Variants in SYTL2 observed in about 807,000 individuals in gnomAD.
The protein encoded by SYTL2 is synaptotagmin like 2.
In SYTL2, 165 loss-of-function variants were observed where a neutral mutation model predicts 198.7. The observed-to-expected ratio is 0.83, with a 90% CI of 0.73 to 0.94. The LOEUF is 0.94. Among genes scored for constraint, SYTL2 ranks in the 40% least tolerant of loss-of-function variants. The pLI, the probability that SYTL2 is intolerant of heterozygous loss-of-function variation, is 0.00. For synonymous variants in SYTL2, 966 were observed against 917.7 expected, an observed-to-expected ratio of 1.05 and a Z score of -0.95; for missense variants, 2,835 against 2,582.8, an observed-to-expected ratio of 1.10 and a Z score of -2.12.
At chr11:85,774,844 C>T (rs1167498800) in intron 1 of SYTL2, among the ~76,000 whole-genome samples, 1 of 152,158 alleles carries the variant, frequency 6.6e-6, no homozygotes, top group Non-Finnish European at 1.5e-5. Flanking sequence ...TTAGGGTCAG[C>T]CTGTGCCCTG....
chr11:85,820,959 A>G, the SYTL2 span, among the ~76,000 whole-genome samples: 1 of 152,190 alleles, frequency 6.6e-6, no homozygotes, highest in Non-Finnish European at 1.5e-5. Context: ...CATTTATCCA[A>G]TCATTTATTG....
rs569204740 is a variant in SYTL2 at position 85,782,483 on chromosome 11, T to A, written c.-389-24369A>T. ...TTGCTGATTAACATTTGGTTCCTCA[T>A]TACTTATGCAAATGTATGCAGCCAG... On this transcript the variant is annotated intron_variant, in intron 1 of 19. Coordinates refer to ENST00000359152, the MANE Select transcript of SYTL2 (RefSeq NM_206927.4). 5.3e-5 allele frequency among the ~76,000 whole-genome samples: 8 copies of A among 152,362 alleles called. No homozygotes were observed. The South Asian group carries it at 1.7e-3, about 32-fold the overall frequency.
At chr11:85,837,570 T>C in the SYTL2 span, among the ~76,000 whole-genome samples, 4 of 152,152 alleles carry the variant, frequency 2.6e-5, no homozygotes, top group Non-Finnish European at 2.9e-5. Context: ...TACATCCTTT[T>C]TAAGTCAAAA....
the SYTL2 span, chr11:85,853,797 A>C: frequency 6.6e-6 from 1 of 152,078 alleles, no homozygotes; most frequent in African/African-American, 2.4e-5. Context: ...CAGGAAAATA[A>C]AAAAATCTCG....
chr11:85,790,200 T>C (rs954228735), intron 1 of SYTL2, among the ~76,000 whole-genome samples: 4 of 152,218 alleles, frequency 2.6e-5, no homozygotes, highest in Admixed American at 2.0e-4. Context: ...AATTTTCCAC[T>C]TGTAGGGTCA....
intron 13 of SYTL2, among the ~76,000 whole-genome samples, chr11:85,710,115 C>T (rs971707635): frequency 2.0e-5 from 3 of 152,176 alleles, no homozygotes; most frequent in Admixed American, 1.3e-4. Context: ...CATTTTCTGG[C>T]ATGCTTAATA....
chr11:85,695,387 G>A (rs1420114503), intron 19 of SYTL2, 47 bp from the exon 20 acceptor site: 1 of 1,473,284 alleles, frequency 6.8e-7, no homozygotes, highest in Non-Finnish European at 9.1e-7. Flanking sequence ...CTCATTGGGG[G>A]TAGGGGAAAG....
chr11:85,714,910 T>C (rs111536462), intron 11 of SYTL2: 98 of 163,226 alleles, frequency 6.0e-4, no homozygotes, highest in African/African-American at 1.8e-3. Flanking sequence ...GCTGAAAAAC[T>C]ATTTCATCTG....
At position 85,748,282 on chromosome 11, in the gene SYTL2, G is replaced by A. The variant is rs775759868; in HGVS notation, c.243C>T (p.Pro81=). 6.2e-7 allele frequency: 1 copy of A among 1,612,836 alleles called. No homozygotes were observed. Among genetic ancestry groups the A allele is most frequent in the East Asian group, 2.2e-5 (1 of 44,864 alleles). Reference sequence around the variant, plus strand: ...GCCAAGTCAACTCACCTGCTATCTGGGGCCTCTTCTTTCTCATAGATGCTC... The same window carrying A: ...GCCAAGTCAACTCACCTGCTATCTGAGGCCTCTTCTTTCTCATAGATGCTC... The part of the protein sequence containing the change: ...IIRASMRKKR[P]QIAAEQSKDR... The change falls in exon 3 of 20, where the codon CCC becomes CCT. Residue 81 remains proline (P), a synonymous_variant. Transcript: ENST00000359152.
intron 1 of SYTL2, among the ~76,000 whole-genome samples, chr11:85,786,345 G>A (rs1471423710): frequency 2.0e-5 from 3 of 152,096 alleles, no homozygotes; most frequent in Non-Finnish European, 4.4e-5. Flanking sequence ...GCCAGTGATG[G>A]TTGACACATG....
upstream of SYTL2, among the ~76,000 whole-genome samples, chr11:85,814,497 G>A (rs1270928616): frequency 6.6e-6 from 1 of 152,208 alleles, no homozygotes; most frequent in East Asian, 1.9e-4. Context: ...AGTTTTGTAG[G>A]TAGACTTATT....
At chr11:85,745,910 T>C in intron 3 of SYTL2, 138 bp from the exon 4 acceptor site, 1 of 744,574 alleles carries the variant, frequency 1.3e-6, no homozygotes, top group Non-Finnish European at 2.2e-6. Context: ...TGGGTCTAAG[T>C]AGTTGATCAG....
At chr11:85,797,393 T>G (rs1366629764) in intron 1 of SYTL2, among the ~76,000 whole-genome samples, 1 of 152,038 alleles carries the variant, frequency 6.6e-6, no homozygotes, top group African/African-American at 2.4e-5. Context: ...TTTGGGAGGC[T>G]GAGGTGGGAG....
chr11:85,727,275 C>T lies in SYTL2; in HGVS notation c.2083G>A (p.Glu695Lys). The change falls in exon 8 of 20, where the codon GAA becomes AAA. Residue 695 changes from glutamate to lysine, a missense_variant. By Grantham distance (56) the Glu-to-Lys change is moderately conservative. Around this residue, in one of 3 missense-constraint regions of SYTL2, gnomAD observed 2,645 missense variants for 2,381.7 expected, o/e 1.11. Coordinates refer to ENST00000359152, the MANE Select transcript of SYTL2 (RefSeq NM_206927.4). ...TGAGCATGAAACTTGGGTTCTTCTT[C>T]ACCCAAGTTGCCAATATTATTAGTG... is the stretch of plus-strand genomic sequence containing the variant. ...CNTNNIGNLG[E>K]EEPKFHAHEE... 2 of 1,534,974 alleles carry T rather than the reference C, an allele frequency of 1.3e-6. No individual in the cohort carries two copies. The highest frequency in any genetic ancestry group is 1.7e-6 in the Non-Finnish European group (2 of 1,146,572).
At chr11:85,737,285 G>A (rs1591820773) in intron 5 of SYTL2, among the ~76,000 whole-genome samples, 1 of 152,264 alleles carries the variant, frequency 6.6e-6, no homozygotes, top group Middle Eastern at 3.4e-3. Context: ...GAACTAACAA[G>A]CCTTATTCCA....
Position 85,696,476 on chromosome 11 carries a change from T to C in SYTL2, c.6369-88A>G, listed in dbSNP as rs531421630. The C allele has an allele frequency of 9.5e-5, 105 of 1,101,966 alleles. No individual in the cohort carries two copies. The South Asian group carries it at 1.3e-3, about 14-fold the overall frequency. 68.3% of individuals were successfully genotyped at this position (1,101,966 alleles called of 1,614,324 possible). On this transcript the variant is annotated intron_variant, in intron 18 of 19. Coordinates refer to ENST00000359152, the MANE Select transcript of SYTL2 (RefSeq NM_206927.4). ...TACATAACAACACAGCTATTAAAGATTGACAATGGAGGAAAAGATGTGGAG... is the reference window on the plus strand; with the variant it reads ...TACATAACAACACAGCTATTAAAGACTGACAATGGAGGAAAAGATGTGGAG...
Position 85,794,382 on chromosome 11 carries a change from T to C in SYTL2, c.-390+16572A>G, listed in dbSNP as rs371118408. Among the ~76,000 whole-genome samples the C allele has an allele frequency of 8.5e-4, 129 of 151,764 alleles. 1 individual carries two copies. The South Asian group carries it at 0.01, about 12-fold the overall frequency. Reference sequence around the variant, plus strand: ...TTTTTCTAGAGACAGGTTCTCCCTATGTTTCCAGGGTGTCTCAAACCTCAG... The same window carrying C: ...TTTTTCTAGAGACAGGTTCTCCCTACGTTTCCAGGGTGTCTCAAACCTCAG... On this transcript the variant is annotated intron_variant, in intron 1 of 19. Transcript: ENST00000359152.
chr11:85,780,426 A>G (rs112246968), intron 1 of SYTL2, among the ~76,000 whole-genome samples: 2,205 of 152,270 alleles, frequency 0.014, 62 homozygotes, highest in African/African-American at 0.051. Context: ...AATAAAGACT[A>G]AAGCATGATT....
the SYTL2 span, chr11:85,853,083 C>CG: frequency 7.7e-6 from 2 of 259,528 alleles, no homozygotes; most frequent in South Asian, 5.7e-5. Context: ...TCCGGGAGGT[C>CG]GGGGGCGCCT....
Sources: gnomAD v4.1 joint callset for allele counts (sites outside exome capture counted in the v4.1 genomes callset) on GRCh38, gnomAD v4.1.1 for gene constraint, gnomAD v4.1.1 regional missense constraint, MANE v1.5 for transcripts, NCBI Gene and HGNC (gene_info 2026-07-23, HGNC 2026-07-21) for gene names.